CLASP2: variants seen among roughly 807,000 people sequenced by gnomAD.
CLASP2 encodes CLIP-associating protein 2.
A neutral mutation model predicts 194.4 loss-of-function variants in CLASP2; 47 were observed. The observed-to-expected ratio is 0.24, with a 90% CI of 0.19 to 0.31. CLASP2 has a LOEUF of 0.31. CLASP2 is among the 10% of genes least tolerant of loss of function. The pLI, the probability that CLASP2 is intolerant of heterozygous loss-of-function variation, is 1.00. For missense variants in CLASP2, 1,445 were observed against 1,823.6 expected (o/e 0.79, Z 3.78); for synonymous variants, 619 against 633.5 (o/e 0.98, Z 0.34).
chr3:33,499,013 T>C (rs2046209851), intron 38 of CLASP2, among the ~76,000 whole-genome samples: 1 of 152,168 alleles, frequency 6.6e-6, no homozygotes, highest in South Asian at 2.1e-4. Flanking sequence ...TATAAAACTT[T>C]TGATATGGTC....
At chr3:33,538,449 C>G (rs555948003) in intron 33 of CLASP2, among the ~76,000 whole-genome samples, 35 of 152,238 alleles carry the variant, frequency 2.3e-4, no homozygotes, top group East Asian at 1.5e-3. Flanking sequence ...TATGAAAAAT[C>G]TAAAAGGAAA....
chr3:33,659,428 T>A (rs1260124457), intron 7 of CLASP2: 1 of 1,000,286 alleles, frequency 1.0e-6, no homozygotes, highest in East Asian at 1.0e-4. Flanking sequence ...GATATCCATG[T>A]AATCAGTAGC....
chr3:33,663,548 T>G, intron 6 of CLASP2, 33 bp from the exon 7 acceptor site: 3 of 1,461,672 alleles, frequency 2.1e-6, no homozygotes, highest in Non-Finnish European at 2.9e-6. Context: ...GTTTGTTTGA[T>G]TTTTTAAAAC....
intron 34 of CLASP2, among the ~76,000 whole-genome samples, chr3:33,528,590 C>T (rs528904108): frequency 1.3e-5 from 2 of 152,098 alleles, no homozygotes; most frequent in East Asian, 3.9e-4. Flanking sequence ...GGTGAAACCC[C>T]ATCTCTACTA....
intron 18 of CLASP2, among the ~76,000 whole-genome samples, chr3:33,597,756 CTT>C (rs558732745): frequency 2.2e-4 from 30 of 137,678 alleles, no homozygotes; most frequent in Non-Finnish European, 2.2e-4. Flanking sequence ...TCTTTTCTTT[CTT>C]TTTTTTTTTT....
chr3:33,612,460 C>T (rs113695692), intron 12 of CLASP2, among the ~76,000 whole-genome samples: 1,772 of 152,188 alleles, frequency 0.012, 16 homozygotes, highest in Middle Eastern at 0.024. Context: ...AGCAGGTAGT[C>T]GAGTGAATCT....
chr3:33,650,158 A>C (rs1185458997), intron 7 of CLASP2, among the ~76,000 whole-genome samples: 1 of 152,248 alleles, frequency 6.6e-6, no homozygotes, highest in East Asian at 1.9e-4. Flanking sequence ...AAAGTGACAT[A>C]GATTTTTAAA....
intron 36 of CLASP2, chr3:33,514,564 G>T: frequency 5.7e-6 from 1 of 175,144 alleles, no homozygotes; most frequent in South Asian, 1.3e-4. Flanking sequence ...TTCTGTCTTG[G>T]TTCTACCATA....
At chr3:33,606,821 C>A in intron 15 of CLASP2, 63 bp from the exon 16 acceptor site, 1 of 1,199,262 alleles carries the variant, frequency 8.3e-7, no homozygotes, top group Non-Finnish European at 1.2e-6. Flanking sequence ...TTAACAGTAA[C>A]GTGTACGTTC....
intron 8 of CLASP2, among the ~76,000 whole-genome samples, chr3:33,638,186 C>T (rs1425875248): frequency 6.6e-6 from 1 of 152,146 alleles, no homozygotes; most frequent in Non-Finnish European, 1.5e-5. Context: ...ACATATCAAA[C>T]TTAACATTAG....
At chr3:33,665,299 T>A in intron 6 of CLASP2, among the ~76,000 whole-genome samples, 1 of 151,856 alleles carries the variant, frequency 6.6e-6, no homozygotes, top group Non-Finnish European at 1.5e-5. Flanking sequence ...GAGACAGGAA[T>A]CTGGATGTAA....
chr3:33,665,337 G>T (rs1482509830), intron 6 of CLASP2, among the ~76,000 whole-genome samples: 1 of 151,962 alleles, frequency 6.6e-6, no homozygotes, highest in Non-Finnish European at 1.5e-5. Flanking sequence ...GGGTTCAAAT[G>T]AAATAGTAGG....
intron 23 of CLASP2, chr3:33,577,066 A>AC (rs1463316376): frequency 2.6e-6 from 2 of 783,614 alleles, no homozygotes; most frequent in Admixed American, 3.2e-5. Flanking sequence ...AAAGAAAAAA[A>AC]AAGTTTATTC....
chr3:33,594,994 T>A, intron 19 of CLASP2, 26 bp from the exon 20 acceptor site: 1 of 1,409,572 alleles, frequency 7.1e-7, no homozygotes, highest in Non-Finnish European at 9.5e-7. Context: ...AAAACAACAT[T>A]TCAACAAATT....
intron 2 of CLASP2, among the ~76,000 whole-genome samples, chr3:33,695,562 C>A (rs1405713262): frequency 1.3e-5 from 2 of 151,944 alleles, no homozygotes; most frequent in Non-Finnish European, 2.9e-5. Flanking sequence ...GCATACCAAA[C>A]ATGAAGAAAA....
At chr3:33,513,639 A>G (rs1011066138) in intron 36 of CLASP2, among the ~76,000 whole-genome samples, 1 of 152,216 alleles carries the variant, frequency 6.6e-6, no homozygotes, top group African/African-American at 2.4e-5. Flanking sequence ...AATTACCCCA[A>G]GGGTTTCAAT....
chr3:33,596,456 G>A (rs1288293279), intron 19 of CLASP2: 1 of 358,312 alleles, frequency 2.8e-6, no homozygotes, highest in East Asian at 4.8e-5. Context: ...ACTTCTAAGA[G>A]CTCAGGCAAA....
At chr3:33,676,931 C>T (rs2088783144) in intron 6 of CLASP2, among the ~76,000 whole-genome samples, 1 of 152,154 alleles carries the variant, frequency 6.6e-6, no homozygotes, top group African/African-American at 2.4e-5. Flanking sequence ...GCCATTTATG[C>T]AGCCAAAAAA....
chr3:33,556,459 G>A (rs1250386376), intron 29 of CLASP2, among the ~76,000 whole-genome samples: 2 of 147,148 alleles, frequency 1.4e-5, no homozygotes, highest in African/African-American at 2.5e-5. Context: ...TTTTTGAGAC[G>A]GAGTCTCACT....
Sources: gnomAD v4.1 joint callset for allele counts (sites outside exome capture counted in the v4.1 genomes callset) on GRCh38, gnomAD v4.1.1 for gene constraint, MANE v1.5 for transcripts, NCBI Gene and HGNC (gene_info 2026-07-23, HGNC 2026-07-21) for gene names.